The following ENOX1 variants were observed in gnomAD, a reference collection of about 807,000 sequenced individuals.
ENOX1 encodes candidate growth-related and time keeping constitutive hydroquinone (NADH) oxidase.
Under a neutral mutation model 82.5 loss-of-function variants are expected in ENOX1, and 42 were observed. The observed-to-expected ratio is 0.51, with a 90% confidence interval of 0.40 to 0.66. The LOEUF is 0.66. ENOX1 is among the 30% of genes least tolerant of loss of function. ENOX1 has a pLI of 0.00. For missense variants in ENOX1, 608 were observed against 811.6 expected (o/e 0.75, Z 3.05); for synonymous variants, 271 against 282.2 (o/e 0.96, Z 0.40).
At chr13:43,462,656 T>C (rs1306294097) in intron 3 of ENOX1, among the ~76,000 whole-genome samples, 5 of 152,230 alleles carry the variant, frequency 3.3e-5, no homozygotes, top group Non-Finnish European at 7.3e-5. Context: ...AAACAAATTC[T>C]TCGAGAGGGT....
intron 2 of ENOX1, among the ~76,000 whole-genome samples, chr13:43,575,738 C>G (rs2080392910): frequency 6.6e-6 from 1 of 152,166 alleles, no homozygotes; most frequent in African/African-American, 2.4e-5. Context: ...AAATTTCCAG[C>G]TGTAGTACTC....
intron 2 of ENOX1, among the ~76,000 whole-genome samples, chr13:43,558,993 CTCTCT>C (rs906566930): frequency 2.5e-4 from 38 of 152,264 alleles, no homozygotes; most frequent in African/African-American, 8.9e-4. Flanking sequence ...AATTCCTCAC[CTCTCT>C]TCTCTGCAAA....
chr13:43,478,516 AG>A (rs1246859175), intron 3 of ENOX1, among the ~76,000 whole-genome samples: 1 of 152,296 alleles, frequency 6.6e-6, no homozygotes, highest in South Asian at 2.1e-4. Context: ...TCACTCATAA[AG>A]CTTTAAATAA....
rs1047427191 is a variant in ENOX1 at position 43,761,479 on chromosome 13, A to G, written c.-285+25173T>C. On this transcript the variant is annotated intron_variant, in intron 1 of 16. Coordinates refer to ENST00000690772, the MANE Select transcript of ENOX1 (RefSeq NM_001347969.2). Reference sequence around the variant, plus strand: ...AACACACTGTTCTGTGAGAGTATAAAAAACTACCTACACACTTCCACAGAA... The same window carrying G: ...AACACACTGTTCTGTGAGAGTATAAGAAACTACCTACACACTTCCACAGAA... Among the ~76,000 whole-genome samples, 5 of 152,228 alleles carry G rather than the reference A, an allele frequency of 3.3e-5. No homozygotes were observed. In the East Asian group the frequency reaches 9.6e-4, roughly 29 times the overall value.
At chr13:43,536,764 G>A (rs1479559131) in intron 2 of ENOX1, among the ~76,000 whole-genome samples, 1 of 152,172 alleles carries the variant, frequency 6.6e-6, no homozygotes, top group African/African-American at 2.4e-5. Flanking sequence ...AAGATCTAAT[G>A]TAAAAAGTGC....
chr13:43,222,638 C>A (rs2041850820), intron 16 of ENOX1, among the ~76,000 whole-genome samples: 1 of 152,178 alleles, frequency 6.6e-6, no homozygotes, highest in Non-Finnish European at 1.5e-5. Flanking sequence ...CAATAGGAAT[C>A]ATTTCTTGAG....
chr13:43,240,553 T>C (rs1408887188), intron 14 of ENOX1, among the ~76,000 whole-genome samples: 1 of 152,030 alleles, frequency 6.6e-6, no homozygotes, highest in African/African-American at 2.4e-5. Flanking sequence ...GCAAACAGCA[T>C]TTAAGAGGTG....
chr13:43,699,373 G>C (rs2086799574), intron 1 of ENOX1, among the ~76,000 whole-genome samples: 1 of 152,158 alleles, frequency 6.6e-6, no homozygotes, highest in African/African-American at 2.4e-5. Flanking sequence ...TCTCCTTCTA[G>C]AATGGTACCC....
rs764566767 is a variant in ENOX1 at position 43,231,924 on chromosome 13, A to C, written c.1714+4712T>G. On this transcript the variant is annotated intron_variant, in intron 15 of 16. Transcript: ENST00000690772. ...TATTAGTATTGCAATGAACAGGATCACTTTCTTTTTTTTCTTTTTTGACAG... is the reference window on the plus strand; with the variant it reads ...TATTAGTATTGCAATGAACAGGATCCCTTTCTTTTTTTTCTTTTTTGACAG... Among the ~76,000 whole-genome samples, 11 of 151,970 alleles carry C rather than the reference A, an allele frequency of 7.2e-5. 1 individual carries two copies.
rs1198923922 is a variant in ENOX1 at position 43,484,204 on chromosome 13, GCCT to G, written c.-218-55_-218-53del. The G allele has an allele frequency of 5.5e-5, 51 of 931,584 alleles. No individual in the cohort carries two copies. In the East Asian group the frequency reaches 3.8e-3, roughly 70 times the overall value. The allele number at this position is 931,584 out of a possible 1,614,324, so 57.7% of individuals were successfully genotyped here. On this transcript the variant is annotated intron_variant, in intron 2 of 16. Transcript: ENST00000690772. ...AGGATATGTCTAAAGTACCATTACTGCCTGTAATGGTATTATTATCACTTATAT... is the reference window on the plus strand; with the variant it reads ...AGGATATGTCTAAAGTACCATTACTGGTAATGGTATTATTATCACTTATAT...
intron 14 of ENOX1, 79 bp downstream of exon 14, chr13:43,265,319 T>C (rs774110639): frequency 4.1e-6 from 5 of 1,212,758 alleles, no homozygotes; most frequent in Admixed American, 2.1e-5. Flanking sequence ...TTCCTTTATG[T>C]GGTAGATAAA....
At chr13:43,740,068 C>T (rs936547448) in intron 1 of ENOX1, among the ~76,000 whole-genome samples, 1 of 125,874 alleles carries the variant, frequency 7.9e-6, no homozygotes, top group Non-Finnish European at 1.6e-5. Flanking sequence ...TGCAAGTGGT[C>T]GGTGCCCCTA....
At chr13:43,737,179 T>C (rs943933339) in intron 1 of ENOX1, among the ~76,000 whole-genome samples, 4 of 152,180 alleles carry the variant, frequency 2.6e-5, no homozygotes, top group African/African-American at 4.8e-5. Flanking sequence ...GAAATAATAA[T>C]TTAAATTTGT....
chr13:43,236,687 T>C lies in ENOX1; in HGVS notation c.1663A>G (p.Ile555Val), dbSNP rs995895586. ...ALVNQDRENN[I>V]EKRSQGLKSE... Reference sequence around the variant, plus strand: ...TTTAAGCCTTGGCTTCTTTTCTCAATATTGTTCTCTCGGTCTTGGTTGACT... The same window carrying C: ...TTTAAGCCTTGGCTTCTTTTCTCAACATTGTTCTCTCGGTCTTGGTTGACT... The change falls in exon 15 of 17, where the codon ATT becomes GTT. Residue 555 changes from isoleucine to valine, a missense_variant. Transcript: ENST00000690772. 6.3e-6 allele frequency: 10 copies of C among 1,589,818 alleles called. No individual in the cohort carries two copies. Among genetic ancestry groups the C allele is most frequent in the Non-Finnish European group, 8.5e-6 (10 of 1,174,052 alleles).
At chr13:43,352,181 G>A (rs2049851324) in intron 8 of ENOX1, among the ~76,000 whole-genome samples, 1 of 152,208 alleles carries the variant, frequency 6.6e-6, no homozygotes, top group Admixed American at 6.5e-5. Flanking sequence ...TGGAAATTAT[G>A]AATGTTGATC....
chr13:43,379,989 A>C (rs2051915579), intron 5 of ENOX1, among the ~76,000 whole-genome samples: 1 of 151,952 alleles, frequency 6.6e-6, no homozygotes, highest in Admixed American at 6.6e-5. Flanking sequence ...AATGTAAGCC[A>C]GAAGACACTA....
chr13:43,426,415 A>G (rs1313910524), intron 3 of ENOX1, among the ~76,000 whole-genome samples: 2 of 152,154 alleles, frequency 1.3e-5, no homozygotes, highest in African/African-American at 2.4e-5. Context: ...ATGGTTTACT[A>G]TTTTCACAGC....
chr13:43,283,106 AG>A (rs2045494507), intron 12 of ENOX1, among the ~76,000 whole-genome samples: 2 of 94,384 alleles, frequency 2.1e-5, no homozygotes, highest in South Asian at 2.8e-4. Context: ...AAAAAATTTA[AG>A]CTATTAATTC....
chr13:43,531,918 C>G (rs1258451187), intron 2 of ENOX1, among the ~76,000 whole-genome samples: 2 of 132,836 alleles, frequency 1.5e-5, no homozygotes, highest in Non-Finnish European at 3.1e-5. Flanking sequence ...ACACTGGGGC[C>G]TGTTGTGGGG....
Sources: allele counts gnomAD v4.1 joint callset (sites outside exome capture counted in the v4.1 genomes callset), GRCh38; gene constraint gnomAD v4.1.1; transcripts MANE v1.5; gene names NCBI Gene and HGNC (gene_info 2026-07-23, HGNC 2026-07-21).